The following SPATA13 variants were observed in gnomAD, a reference collection of about 807,000 sequenced individuals.
SPATA13 encodes spermatogenesis-associated protein 13.
SPATA13 carries 50 observed loss-of-function variants against 104.0 expected under a neutral mutation model. The ratio of observed to expected loss-of-function variants is 0.48; its 90% confidence interval spans 0.38 to 0.61. The LOEUF (loss-of-function observed/expected upper bound fraction) is 0.61. SPATA13 is among the 20% of genes least tolerant of loss of function. The pLI, the probability that SPATA13 is intolerant of heterozygous loss-of-function variation, is 0.00. For synonymous variants in SPATA13, 606 were observed against 667.5 expected (o/e 0.91, Z 1.42); for missense variants, 1,524 against 1,690.6 (o/e 0.90, Z 1.73).
chr13:23,999,869 A>C (rs1875876391), intron 2 of SPATA13, among the ~76,000 whole-genome samples: 1 of 152,350 alleles, frequency 6.6e-6, no homozygotes, highest in African/African-American at 2.4e-5. Flanking sequence ...ATACTTATGC[A>C]AAGCAAATGC....
intron 1 of SPATA13, among the ~76,000 whole-genome samples, chr13:24,177,660 G>A (rs2209002): frequency 0.77 from 116,575 of 151,784 alleles, 47,522 homozygotes; most frequent in East Asian, 0.92. Context: ...AGGGTCTCCT[G>A]TGTTGCCCAG....
At chr13:24,045,522 A>T (rs1002424795) in intron 3 of SPATA13, among the ~76,000 whole-genome samples, 2 of 152,204 alleles carry the variant, frequency 1.3e-5, no homozygotes, top group African/African-American at 4.8e-5. Flanking sequence ...CACGTTTTTT[A>T]AATTGTTACA....
At position 24,161,639 on chromosome 13, in the gene SPATA13, A is replaced by G. The variant is rs559684047; in HGVS notation, c.-112+707A>G. ...TCGGGTGACTTGGGCTGGGCCACCC[A>G]TCTGACTGCAAGGTTACAGAGCTTG... On this transcript the variant is annotated intron_variant, in intron 1 of 12. Transcript: ENST00000382108. This position sits in a 1 kb window ranked among gnomAD's most constrained non-coding sequence, Gnocchi z 4.5. Among the ~76,000 whole-genome samples, 8 of 152,330 alleles carry G rather than the reference A, an allele frequency of 5.3e-5. No homozygotes were observed. Among genetic ancestry groups the G allele is most frequent in the Non-Finnish European group, 1.0e-4 (7 of 68,034 alleles).
At chr13:24,169,539 A>G (rs182266630) in intron 1 of SPATA13, among the ~76,000 whole-genome samples, 1 of 152,274 alleles carries the variant, frequency 6.6e-6, no homozygotes, top group East Asian at 1.9e-4. Context: ...CACCTTCTCC[A>G]GACTCTGCCC....
chr13:24,176,083 C>T (rs1209982416), intron 1 of SPATA13, among the ~76,000 whole-genome samples: 1 of 152,142 alleles, frequency 6.6e-6, no homozygotes, highest in Non-Finnish European at 1.5e-5. Context: ...TTGCTCAGCT[C>T]CTGGTGTATG....
Position 24,209,955 on chromosome 13 carries a change from C to A in SPATA13, c.-111-12864C>A, listed in dbSNP as rs1593421172. Among the ~76,000 whole-genome samples, 3 of 152,114 alleles carry A rather than the reference C, an allele frequency of 2.0e-5. No individual in the cohort carries two copies. The South Asian group carries it at 6.2e-4, about 31-fold the overall frequency. ...AACCTCTGGTCTTTTTGATAATAAC[C>A]ATCCTAACAGGTGTGAGGTGGTATC... is the stretch of plus-strand genomic sequence containing the variant. On this transcript the variant is annotated intron_variant, in intron 1 of 12. Coordinates refer to ENST00000382108, the MANE Select transcript of SPATA13 (RefSeq NM_001166271.3).
intron 4 of SPATA13, among the ~76,000 whole-genome samples, chr13:24,282,221 A>G (rs1875590891): frequency 6.6e-6 from 1 of 152,164 alleles, no homozygotes; most frequent in Non-Finnish European, 1.5e-5. Context: ...GCACATGGCC[A>G]GTGCAGGTAA....
chr13:24,125,550 A>G (rs185250035), intron 3 of SPATA13, among the ~76,000 whole-genome samples: 69 of 152,096 alleles, frequency 4.5e-4, no homozygotes, highest in African/African-American at 1.6e-3. Context: ...TCTAAAATTC[A>G]CCAACCAAGT....
intron 4 of SPATA13, among the ~76,000 whole-genome samples, chr13:24,264,502 C>T (rs1238086703): frequency 2.0e-5 from 3 of 152,208 alleles, no homozygotes; most frequent in Non-Finnish European, 4.4e-5. Context: ...AACTGAAAAA[C>T]ACAGATTGCT....
rs1164539945 is a variant in SPATA13, at chr13:24,190,169, T to A, written c.-112+29237T>A. Among the ~76,000 whole-genome samples, 29 of 91,986 alleles carry A rather than the reference T, an allele frequency of 3.2e-4. 13 individuals carry two copies. In the South Asian group the frequency reaches 8.0e-3, roughly 25 times the overall value. The allele number at this position is 91,986 out of a possible 152,430, so 60.3% of individuals were successfully genotyped here. A position where few individuals can be genotyped will look rare whatever the true frequency, so the allele number is the denominator to read the frequency against. On this transcript the variant is annotated intron_variant, in intron 1 of 12. Coordinates refer to ENST00000382108, the MANE Select transcript of SPATA13 (RefSeq NM_001166271.3). ...TTATATAACATATATATAATATATA[T>A]TATTATATAACATATCATATATAAT...
intron 9 of SPATA13, among the ~76,000 whole-genome samples, chr13:24,291,825 C>T (rs537494086): frequency 4.0e-5 from 6 of 149,588 alleles, no homozygotes; most frequent in Non-Finnish European, 8.9e-5. Context: ...GGCGCAATCT[C>T]GGCTCACTGC....
At chr13:24,085,135 T>C (rs9318309) in intron 3 of SPATA13, among the ~76,000 whole-genome samples, 31,888 of 151,918 alleles carry the variant, frequency 0.21, 3,633 homozygotes, top group East Asian at 0.36. Context: ...TTTCCCTTGT[T>C]TTGTTGAGAC....
chr13:24,253,717 C>T (rs908992506), intron 4 of SPATA13, among the ~76,000 whole-genome samples: 2 of 151,984 alleles, frequency 1.3e-5, no homozygotes, highest in East Asian at 1.9e-4. Context: ...AAGGAGGTGA[C>T]GCTGGGGACA....
chr13:24,101,218 C>T (rs987128582), intron 3 of SPATA13, among the ~76,000 whole-genome samples: 2 of 152,172 alleles, frequency 1.3e-5, no homozygotes, highest in African/African-American at 4.8e-5. Flanking sequence ...TTCTCTTTCT[C>T]GCCACACACT....
intron 4 of SPATA13, chr13:24,270,693 T>C (rs924861822): frequency 6.8e-7 from 1 of 1,473,682 alleles, no homozygotes. Flanking sequence ...TGTCAGTTTC[T>C]GGGCAGGCTC....
intron 3 of SPATA13, among the ~76,000 whole-genome samples, chr13:24,071,547 GGA>G (rs1396917729): frequency 1.3e-5 from 2 of 152,192 alleles, no homozygotes; most frequent in African/African-American, 4.8e-5. Context: ...TCTGTCTGGT[GGA>G]ACTAGGGAAA....
At chr13:24,240,807 G>A (rs80274457) in intron 2 of SPATA13, among the ~76,000 whole-genome samples, 76 of 152,196 alleles carry the variant, frequency 5.0e-4, no homozygotes, top group African/African-American at 1.7e-3. Flanking sequence ...TGTGTTTTTC[G>A]CATCTTTTAT....
chr13:24,123,085 C>T (rs1218432133), intron 3 of SPATA13: 2 of 978,992 alleles, frequency 2.0e-6, no homozygotes, highest in African/African-American at 3.2e-5. Flanking sequence ...GGAGTAAATT[C>T]TTCACTATAT....
chr13:24,028,360 T>A (rs1192500067), intron 3 of SPATA13, among the ~76,000 whole-genome samples: 1 of 152,246 alleles, frequency 6.6e-6, no homozygotes, highest in Admixed American at 6.5e-5. Context: ...TGCAGGTGTC[T>A]ATATTTTGCC....
Sources: allele counts gnomAD v4.1 joint callset (sites outside exome capture counted in the v4.1 genomes callset), GRCh38; gene constraint gnomAD v4.1.1; non-coding constraint Gnocchi (gnomAD v3.1); transcripts MANE v1.5; gene names NCBI Gene and HGNC (gene_info 2026-07-23, HGNC 2026-07-21).